Variants in NBPF11 observed in about 807,000 individuals in gnomAD.
NBPF11 encodes NBPF family member NBPF11.
In NBPF11, 72 loss-of-function variants were observed where a neutral mutation model predicts 93.9. The ratio of observed to expected loss-of-function variants is 0.77; its 90% CI spans 0.63 to 0.93. The LOEUF (loss-of-function observed/expected upper bound fraction) is 0.93, where lower values mean the gene tolerates loss of function less well. NBPF11 is among the 40% of genes least tolerant of loss of function. The probability of loss-of-function intolerance (pLI) is 0.00; values close to 1 mark genes in which losing one functional copy is unlikely to be tolerated. For missense variants in NBPF11, 705 were observed against 802.2 expected, an observed-to-expected ratio of 0.88 and a Z score of 1.46; for synonymous variants, 224 against 304.9, an observed-to-expected ratio of 0.73 and a Z score of 2.76.
Position 148,124,934 on chromosome 1 carries a change from C to T in NBPF11, c.243G>A (p.Lys81=), listed in dbSNP as rs782282721. The T allele has an allele frequency of 6.2e-7, 1 of 1,609,928 alleles. No homozygotes were observed. The highest frequency in any genetic ancestry group is 1.3e-5 in the African/African-American group (1 of 74,810). Residue 81 remains lysine (K), a synonymous_variant, in exon 6 of 24, where the codon AAG becomes AAA. Coordinates refer to ENST00000682118, the MANE Select transcript of NBPF11 (RefSeq NM_001385469.3). ...CAGCTTGCTTGAGCTGCTCTGCAAG[C>T]TTCTCCTCCTTGAACTGTCGCTCAT... The part of the protein sequence containing the change: ...LRNERQFKEE[K]LAEQLKQAEE...
intron 4 of NBPF11, among the ~76,000 whole-genome samples, chr1:148,128,032 G>T (rs1384694394): frequency 1.3e-5 from 2 of 149,078 alleles, no homozygotes; most frequent in South Asian, 4.2e-4. Context: ...TTTTGTTTTG[G>T]CCAAGTAATA....
chr1:148,106,079 G>A lies in NBPF11; in HGVS notation c.2303+102C>T, dbSNP rs1177125616. 14 of 565,192 alleles carry A rather than the reference G, an allele frequency of 2.5e-5. No individual in the cohort carries two copies. In the East Asian group the frequency reaches 4.2e-4, roughly 17 times the overall value. The allele number at this position is 565,192 out of a possible 1,614,324, so 35.0% of individuals were successfully genotyped here. On this transcript the variant is annotated intron_variant, in intron 21 of 23. Coordinates refer to ENST00000682118, the MANE Select transcript of NBPF11 (RefSeq NM_001385469.3). ...TGTTAGTAGGAATAATTCAGGCTTG[G>A]TTGAAAAGATGTAATCGATAATGTC...
intron 7 of NBPF11, 106 bp downstream of exon 7, chr1:148,123,747 A>C (rs2149242449): frequency 1.2e-6 from 2 of 1,609,292 alleles, no homozygotes; most frequent in African/African-American, 2.7e-5. Flanking sequence ...ACATATGTGT[A>C]GTAGAAAAAA....
intron 18 of NBPF11, among the ~76,000 whole-genome samples, chr1:148,108,217 T>C (rs1282860848): frequency 6.6e-6 from 1 of 151,412 alleles, no homozygotes; most frequent in East Asian, 2.0e-4. Flanking sequence ...TGTGAATTTG[T>C]CACATCTGCC....
chr1:148,106,103 T>C, intron 21 of NBPF11, 78 bp downstream of exon 21: 2 of 611,358 alleles, frequency 3.3e-6, no homozygotes, highest in South Asian at 3.9e-5. Context: ...ATCGATAATG[T>C]CAGCCCGCTC....
At chr1:148,106,723 A>G (rs1418866431) in intron 20 of NBPF11, among the ~76,000 whole-genome samples, 1 of 148,812 alleles carries the variant, frequency 6.7e-6, no homozygotes, top group African/African-American at 2.5e-5. Context: ...AGGTTGCCAT[A>G]GGCATGGCTG....
intron 2 of NBPF11, among the ~76,000 whole-genome samples, chr1:148,138,227 C>A (rs1156239387): frequency 6.6e-6 from 1 of 150,866 alleles, no homozygotes; most frequent in African/African-American, 2.5e-5. Context: ...AGTCCTAAGG[C>A]GGTTTTCTCC....
Position 148,116,525 on chromosome 1 carries a change from G to T in NBPF11, c.1317C>A (p.Asn439Lys). The T allele has an allele frequency of 4.2e-6, 3 of 717,752 alleles. No individual in the cohort carries two copies. Among genetic ancestry groups the T allele is most frequent in the Admixed American group, 1.9e-5 (1 of 53,104 alleles). 44.5% of individuals were successfully genotyped at this position (717,752 alleles called of 1,614,324 possible). A position where few individuals can be genotyped will look rare whatever the true frequency, so the allele number is the denominator to read the frequency against. The change falls in exon 13 of 24, where the codon AAC becomes AAA. Residue 439 changes from asparagine (N) to lysine (K), a missense_variant. Coordinates refer to ENST00000682118, the MANE Select transcript of NBPF11 (RefSeq NM_001385469.3). ...CAACTTGAACATCTTCATCGTCATC[G>T]TTATCATTTTCTGTAAATACAGAAG... ...LVQKLSPEND[N>K]DDDEDVQVEV... is the part of the protein sequence containing the mutation.
At chr1:148,143,813 A>C (rs1672566633) in intron 1 of NBPF11, 127 bp from the exon 2 acceptor site, 1 of 152,290 alleles carries the variant, frequency 6.6e-6, no homozygotes, top group African/African-American at 2.4e-5. Context: ...GGTGGTGGGG[A>C]ACTAGAGTTG....
At chr1:148,122,888 C>T (rs1668206673) in intron 7 of NBPF11, 87 bp from the exon 8 acceptor site, 7 of 1,604,456 alleles carry the variant, frequency 4.4e-6, no homozygotes, top group Non-Finnish European at 3.4e-6. Context: ...ACATGAATAT[C>T]TATGTATGGT....
At chr1:148,131,308 C>A (rs1321700077) in intron 4 of NBPF11, among the ~76,000 whole-genome samples, 14 of 151,366 alleles carry the variant, frequency 9.2e-5, no homozygotes, top group Non-Finnish European at 1.9e-4. Context: ...TAGTATTAAA[C>A]GAGTTTTACT....
rs2149296794 is a variant in NBPF11 at position 148,143,168 on chromosome 1, T to C, written c.-277+247A>G. On this transcript the variant is annotated intron_variant, in intron 2 of 23. Transcript: ENST00000682118. ...TGCAGATCTAGCTACCAAGGAAAAG[T>C]CCTGAAGAGAACATGTCCTCTCCTG... 2.0e-5 allele frequency among the ~76,000 whole-genome samples: 3 copies of C among 152,044 alleles called. No individual in the cohort carries two copies. The East Asian group carries it at 5.8e-4, about 29-fold the overall frequency.
At chr1:148,108,243 G>C (rs1399022364) in intron 18 of NBPF11, among the ~76,000 whole-genome samples, 51 of 151,564 alleles carry the variant, frequency 3.4e-4, no homozygotes, top group African/African-American at 1.2e-3. Flanking sequence ...CCAACATCTT[G>C]AGAGTAGGAT....
chr1:148,105,721 G>GACACACACACACACACACACAC (rs781939834), intron 21 of NBPF11, among the ~76,000 whole-genome samples, 193 bp from the exon 22 acceptor site: 1 of 95,976 alleles, frequency 1.0e-5, no homozygotes, highest in African/African-American at 5.6e-5. Context: ...GAGAAAGACA[G>GACACACACACACACACACACAC]ACACACACAC....
In NBPF11 at chr1:148,132,132, ATG is replaced by A. The variant is rs1250109681; in HGVS notation, c.-36+3538_-36+3539del. 1.1e-4 allele frequency among the ~76,000 whole-genome samples: 15 copies of A among 142,054 alleles called. 1 individual carries two copies. The highest frequency in any genetic ancestry group is 4.7e-4 in the South Asian group (2 of 4,264). 93.2% of individuals were successfully genotyped at this position (142,054 alleles called of 152,430 possible). A position where few individuals can be genotyped will look rare whatever the true frequency, so the allele number is the denominator to read the frequency against. On this transcript the variant is annotated intron_variant, in intron 4 of 23. Coordinates refer to ENST00000682118, the MANE Select transcript of NBPF11 (RefSeq NM_001385469.3). ...TATCTTATCAGACTGCAATATATAT[ATG>A]TGTGTGTGTGTATATATATATATAT...
At chr1:148,149,401 G>T (rs1370121425) in intron 1 of NBPF11, 7 of 1,582,354 alleles carry the variant, frequency 4.4e-6, no homozygotes, top group African/African-American at 1.4e-5. Flanking sequence ...GGGAGGACGA[G>T]GTGATCGACT....
intron 4 of NBPF11, among the ~76,000 whole-genome samples, chr1:148,134,120 C>T (rs1379236209): frequency 5.3e-5 from 8 of 152,062 alleles, no homozygotes; most frequent in Admixed American, 3.3e-4. Flanking sequence ...GCCACAGGAC[C>T]TTTACATGCA....
Position 148,122,932 on chromosome 1 carries a change from C to T in NBPF11, c.494-131G>A, listed in dbSNP as rs2404384. Reference sequence around the variant, plus strand: ...GTACTGAAAACTCTCATGTTTTATCCTTCACAAAATGCCCTGGCATGGTTT... The same window carrying T: ...GTACTGAAAACTCTCATGTTTTATCTTTCACAAAATGCCCTGGCATGGTTT... On this transcript the variant is annotated intron_variant, in intron 7 of 23. Transcript: ENST00000682118. 932 of 1,539,956 alleles carry T rather than the reference C, an allele frequency of 6.1e-4. 19 individuals are homozygous for T. In the African/African-American group the frequency reaches 0.011, roughly 18 times the overall value.
At chr1:148,121,406 G>A (rs1460142177) in intron 9 of NBPF11, among the ~76,000 whole-genome samples, 2 of 146,818 alleles carry the variant, frequency 1.4e-5, no homozygotes, top group Admixed American at 6.9e-5. Context: ...GGAGTGCAGT[G>A]CCACAGTCTC....
Sources: gnomAD v4.1 joint callset for allele counts (sites outside exome capture counted in the v4.1 genomes callset) on GRCh38, gnomAD v4.1.1 for gene constraint, MANE v1.5 for transcripts, NCBI Gene and HGNC (gene_info 2026-07-23, HGNC 2026-07-21) for gene names.